Variants in WASF3 observed in about 807,000 individuals in gnomAD.
WASF3 encodes WASP family member 3.
Under a neutral mutation model 46.6 loss-of-function variants are expected in WASF3, and 11 were observed. That is an observed-to-expected ratio of 0.24 (90% CI 0.15 to 0.39). The LOEUF is 0.39. WASF3 is among the 10% of genes least tolerant of loss of function. The probability of loss-of-function intolerance (pLI) is 1.00; values close to 1 mark genes in which losing one functional copy is unlikely to be tolerated. For synonymous variants in WASF3, 242 were observed against 259.7 expected (o/e 0.93, Z 0.65); for missense variants, 576 against 669.8 (o/e 0.86, Z 1.55).
intron 2 of WASF3, among the ~76,000 whole-genome samples, chr13:26,633,200 C>CTTTTATTTTTTTTTTTTTTTT (rs1555252680): frequency 1.1e-5 from 1 of 90,420 alleles, no homozygotes; most frequent in Non-Finnish European, 2.1e-5. Flanking sequence ...TTAGTTATTT[C>CTTTTATTTTTTTTTTTTTTTT]TTTTTTTTTT....
At chr13:26,559,110 A>C (rs1879199102) in intron 1 of WASF3, among the ~76,000 whole-genome samples, 1 of 152,182 alleles carries the variant, frequency 6.6e-6, no homozygotes, top group Non-Finnish European at 1.5e-5. Context: ...AAACAAACGA[A>C]AGCTGGGTTT....
At position 26,669,673 on chromosome 13, in the gene WASF3, C is replaced by T. The variant is rs979594724; in HGVS notation, c.422+2003C>T. On this transcript the variant is annotated intron_variant, in intron 5 of 9. Transcript: ENST00000335327. ...GGATTACAGGCATGTGCCACCAAGCCTGGCTAATTTTTGTATTTTTAGTAG... is the reference window on the plus strand; with the variant it reads ...GGATTACAGGCATGTGCCACCAAGCTTGGCTAATTTTTGTATTTTTAGTAG... 7.9e-5 allele frequency among the ~76,000 whole-genome samples: 12 copies of T among 152,276 alleles called. No individual in the cohort carries two copies. The South Asian group carries it at 2.3e-3, about 29-fold the overall frequency.
chr13:26,673,688 C>T (rs1323945344), intron 6 of WASF3, among the ~76,000 whole-genome samples: 1 of 152,166 alleles, frequency 6.6e-6, no homozygotes, highest in Non-Finnish European at 1.5e-5. Flanking sequence ...GATTAAAAAA[C>T]CCATGTTTTT....
Position 26,621,442 on chromosome 13 carries a change from A to C in WASF3, c.-11+8384A>C, listed in dbSNP as rs561990519. ...ACCCAAGAGAGCAAATCTGTTCTGC[A>C]GGAGAAGAAACTGAGGCCCACCCTG... On this transcript the variant is annotated intron_variant, in intron 2 of 9. Transcript: ENST00000335327. Among the ~76,000 whole-genome samples, 19 of 152,330 alleles carry C rather than the reference A, an allele frequency of 1.2e-4. No individual in the cohort carries two copies. The South Asian group carries it at 3.3e-3, about 27-fold the overall frequency.
intron 1 of WASF3, among the ~76,000 whole-genome samples, chr13:26,607,409 G>A (rs982044213): frequency 3.3e-5 from 5 of 152,060 alleles, no homozygotes; most frequent in Non-Finnish European, 5.9e-5. Flanking sequence ...CTGAGGAGAG[G>A]AGCTTGGCTT....
intron 3 of WASF3, among the ~76,000 whole-genome samples, chr13:26,655,145 T>C (rs1234238327): frequency 6.6e-6 from 1 of 152,238 alleles, no homozygotes; most frequent in Non-Finnish European, 1.5e-5. Context: ...TATGCATATA[T>C]ATTAAAAATG....
intron 1 of WASF3, among the ~76,000 whole-genome samples, chr13:26,603,786 GGTAATGCCCT>G (rs1382304495): frequency 6.6e-6 from 1 of 152,178 alleles, no homozygotes; most frequent in Non-Finnish European, 1.5e-5. Flanking sequence ...CAAAGCTAAG[GGTAATGCCCT>G]GGTTTGGTTG....
chr13:26,675,304 C>T (rs1250613249), intron 6 of WASF3, among the ~76,000 whole-genome samples: 2 of 152,082 alleles, frequency 1.3e-5, no homozygotes, highest in African/African-American at 2.4e-5. Context: ...CATTTACATT[C>T]TTTTATTTCT....
intron 1 of WASF3, among the ~76,000 whole-genome samples, chr13:26,601,219 TC>T (rs1387043766): frequency 2.0e-5 from 3 of 152,206 alleles, no homozygotes; most frequent in Non-Finnish European, 4.4e-5. Flanking sequence ...TTAGGAAATT[TC>T]CATGGAATTC....
upstream of WASF3, among the ~76,000 whole-genome samples, chr13:26,553,133 C>G (rs927700154): frequency 2.0e-5 from 3 of 152,154 alleles, no homozygotes; most frequent in Non-Finnish European, 4.4e-5. Context: ...ATCTCACTGC[C>G]CTGTGGGCCC....
chr13:26,681,538 T>C (rs1419425511), intron 8 of WASF3, among the ~76,000 whole-genome samples: 2 of 152,204 alleles, frequency 1.3e-5, no homozygotes, highest in African/African-American at 2.4e-5. Flanking sequence ...TGTGCATGCA[T>C]GTGTGTTCCC....
chr13:26,635,730 C>T (rs1397007291), intron 2 of WASF3, among the ~76,000 whole-genome samples: 2 of 152,126 alleles, frequency 1.3e-5, no homozygotes, highest in Non-Finnish European at 2.9e-5. Context: ...GTTAGTTTTC[C>T]TTTTAACAGT....
At chr13:26,548,331 T>C in the WASF3 span, among the ~76,000 whole-genome samples, 10 of 152,304 alleles carry the variant, frequency 6.6e-5, no homozygotes, top group South Asian at 1.7e-3. Context: ...CCTTCTCTTC[T>C]TACTTTCCGA....
chr13:26,542,853 T>C, the WASF3 span, among the ~76,000 whole-genome samples: 1 of 152,350 alleles, frequency 6.6e-6, no homozygotes, highest in Non-Finnish European at 1.5e-5. Flanking sequence ...AAATGCTTAT[T>C]GATTGATTGC....
In WASF3 at chr13:26,561,144, G is replaced by A. The variant is rs114423754; in HGVS notation, c.-109+3325G>A. ...AGTAAGGAGGGACTGTGCCTTGTGG[G>A]GTCTTGTGATTACTGTTGTGTGGAG... On this transcript the variant is annotated intron_variant, in intron 1 of 9. Transcript: ENST00000335327. Among the ~76,000 whole-genome samples, 854 of 152,258 alleles carry A rather than the reference G, an allele frequency of 5.6e-3. 10 individuals carry two copies. Among genetic ancestry groups the A allele is most frequent in the African/African-American group, 0.02 (814 of 41,544 alleles).
intron 2 of WASF3, among the ~76,000 whole-genome samples, chr13:26,614,535 G>T (rs1397124315): frequency 6.6e-6 from 1 of 152,176 alleles, no homozygotes; most frequent in Non-Finnish European, 1.5e-5. Context: ...AGTGTTAAAT[G>T]CTTATATTAG....
At chr13:26,554,746 T>C (rs1178477082), upstream of WASF3, among the ~76,000 whole-genome samples, 1 of 152,226 alleles carries the variant, frequency 6.6e-6, no homozygotes, top group Non-Finnish European at 1.5e-5. Context: ...TATCATGAAA[T>C]AACATTCAAT....
At chr13:26,543,623 T>G in the WASF3 span, among the ~76,000 whole-genome samples, 5 of 152,042 alleles carry the variant, frequency 3.3e-5, no homozygotes, top group African/African-American at 1.2e-4. Flanking sequence ...CAGCATAGCT[T>G]TCTGGTGCCT....
chr13:26,552,569 G>A, the WASF3 span, among the ~76,000 whole-genome samples: 2 of 152,096 alleles, frequency 1.3e-5, no homozygotes, highest in Non-Finnish European at 2.9e-5. Context: ...TTTATATATG[G>A]AGCTAAATTA....
Sources: allele counts gnomAD v4.1 joint callset (sites outside exome capture counted in the v4.1 genomes callset), GRCh38; gene constraint gnomAD v4.1.1; transcripts MANE v1.5; gene names NCBI Gene and HGNC (gene_info 2026-07-23, HGNC 2026-07-21).